Variants in GRID2 observed in about 807,000 individuals in gnomAD.
The protein encoded by GRID2 is glutamate ionotropic receptor delta type subunit 2.
A neutral mutation model predicts 114.8 loss-of-function variants in GRID2; 33 were observed. The ratio of observed to expected loss-of-function variants is 0.29; its 90% CI spans 0.22 to 0.38. The LOEUF is 0.38. Among genes scored for constraint, GRID2 ranks in the 10% least tolerant of loss-of-function variants. The pLI, the probability that GRID2 is intolerant of heterozygous loss-of-function variation, is 1.00. For missense variants in GRID2, 1,184 were observed against 1,257.7 expected (o/e 0.94, Z 0.89); for synonymous variants, 505 against 449.9 (o/e 1.12, Z -1.55).
chr4:92,553,832 A>G (rs1296595452), intron 1 of GRID2, among the ~76,000 whole-genome samples: 1 of 152,032 alleles, frequency 6.6e-6, no homozygotes, highest in African/African-American at 2.4e-5. Flanking sequence ...CTGTATTTTT[A>G]GTAGAGACGG....
chr4:92,985,159 C>T (rs897516936), intron 2 of GRID2, among the ~76,000 whole-genome samples: 3 of 151,742 alleles, frequency 2.0e-5, no homozygotes, highest in Non-Finnish European at 1.5e-5. Flanking sequence ...CAATTATTAC[C>T]GTGGTTTTTG....
At chr4:92,314,750 A>G (rs1186595379) in intron 1 of GRID2, among the ~76,000 whole-genome samples, 6 of 152,182 alleles carry the variant, frequency 3.9e-5, no homozygotes, top group Non-Finnish European at 5.9e-5. Context: ...TATCCCCAAG[A>G]TATCTCATTG....
chr4:92,390,702 G>C (rs577597417), intron 1 of GRID2, among the ~76,000 whole-genome samples: 20 of 152,094 alleles, frequency 1.3e-4, no homozygotes, highest in Non-Finnish European at 2.6e-4. Flanking sequence ...AGAAATTCCA[G>C]GATCGATGAG....
chr4:93,280,075 A>G (rs888014145), intron 8 of GRID2, among the ~76,000 whole-genome samples: 8 of 151,894 alleles, frequency 5.3e-5, no homozygotes, highest in African/African-American at 1.9e-4. Context: ...GGTGAGTGCT[A>G]GGTTTAAGAC....
At position 92,874,941 on chromosome 4, in the gene GRID2, A is replaced by C. The variant is rs1007985711; in HGVS notation, c.245-210054A>C. Among the ~76,000 whole-genome samples the C allele has an allele frequency of 5.9e-5, 9 of 152,146 alleles. No homozygotes were observed. The South Asian group carries it at 6.2e-4, about 10-fold the overall frequency. ...TTTGTTGTTGGTAATTAGTGTTTAC[A>C]ATCATTCACATAATTTTTTAAACAT... On this transcript the variant is annotated intron_variant, in intron 2 of 15. Transcript: ENST00000282020.
chr4:93,516,740 G>A (rs1346193843), intron 13 of GRID2, among the ~76,000 whole-genome samples: 4 of 151,902 alleles, frequency 2.6e-5, no homozygotes, highest in Admixed American at 2.6e-4. Context: ...AGGCTTACTG[G>A]GTACTCATAG....
At chr4:93,422,740 G>T in intron 9 of GRID2, 31 bp from the exon 10 acceptor site, 1 of 1,375,876 alleles carries the variant, frequency 7.3e-7, no homozygotes, top group South Asian at 1.2e-5. Context: ...ACTATAGATT[G>T]ACATCAGAAA....
intron 11 of GRID2, among the ~76,000 whole-genome samples, 158 bp downstream of exon 11, chr4:93,456,132 A>C (rs1723167154): frequency 6.6e-6 from 1 of 152,154 alleles, no homozygotes; most frequent in South Asian, 2.1e-4. Flanking sequence ...ACTTCCTCCT[A>C]GTGGATCTCA....
chr4:93,059,167 T>C (rs1436608067), intron 2 of GRID2, among the ~76,000 whole-genome samples: 1 of 152,108 alleles, frequency 6.6e-6, no homozygotes, highest in Non-Finnish European at 1.5e-5. Context: ...TTTGATAACA[T>C]TTGAAATGCA....
rs183117279 is a variant in GRID2, at chr4:93,102,193, C to G, written c.530-8555C>G. 2.3e-3 allele frequency among the ~76,000 whole-genome samples: 355 copies of G among 152,274 alleles called. 3 individuals carry two copies. Among genetic ancestry groups the G allele is most frequent in the Non-Finnish European group, 5.9e-4 (40 of 68,028 alleles). ...CTGTTTCACTTTAGTTACTTTCACACTAGACATGTTGGCTCCTGCAATCGC... is the reference window on the plus strand; with the variant it reads ...CTGTTTCACTTTAGTTACTTTCACAGTAGACATGTTGGCTCCTGCAATCGC... On this transcript the variant is annotated intron_variant, in intron 3 of 15. Coordinates refer to ENST00000282020, the MANE Select transcript of GRID2 (RefSeq NM_001510.4).
intron 12 of GRID2, among the ~76,000 whole-genome samples, chr4:93,495,283 A>G (rs1171841262): frequency 6.6e-6 from 1 of 151,732 alleles, no homozygotes. Flanking sequence ...CTATTACTAA[A>G]GAAGAACCCC....
chr4:93,037,679 T>A (rs1432713042), intron 2 of GRID2, among the ~76,000 whole-genome samples: 1 of 152,102 alleles, frequency 6.6e-6, no homozygotes, highest in Non-Finnish European at 1.5e-5. Flanking sequence ...TTTACCAACA[T>A]CATTTATTAA....
chr4:92,308,532 A>C (rs564975477), intron 1 of GRID2, among the ~76,000 whole-genome samples: 41 of 152,168 alleles, frequency 2.7e-4, no homozygotes, highest in Admixed American at 5.9e-4. Flanking sequence ...ATTATATTTG[A>C]GAAACCTAAG....
intron 4 of GRID2, among the ~76,000 whole-genome samples, chr4:93,175,714 G>A (rs776847354): frequency 1.3e-5 from 2 of 152,146 alleles, no homozygotes; most frequent in Admixed American, 6.5e-5. Flanking sequence ...AGAAGAATTC[G>A]AAATTGTAGA....
chr4:93,183,844 T>C (rs1740138792), intron 4 of GRID2, among the ~76,000 whole-genome samples: 1 of 152,198 alleles, frequency 6.6e-6, no homozygotes, highest in Non-Finnish European at 1.5e-5. Context: ...TGAGAACTTG[T>C]TCAAACTCAT....
intron 2 of GRID2, among the ~76,000 whole-genome samples, chr4:92,887,220 T>C (rs1485508576): frequency 1.3e-5 from 2 of 152,224 alleles, no homozygotes; most frequent in Non-Finnish European, 2.9e-5. Context: ...AGCAACATAA[T>C]GTCTGGATGG....
intron 2 of GRID2, among the ~76,000 whole-genome samples, chr4:92,757,173 T>A (rs1280216793): frequency 6.6e-6 from 1 of 152,148 alleles, no homozygotes; most frequent in Non-Finnish European, 1.5e-5. Context: ...TATATGGACA[T>A]CCAGTTTTCC....
chr4:93,377,666 C>T (rs1043442907), intron 8 of GRID2, among the ~76,000 whole-genome samples: 1 of 152,132 alleles, frequency 6.6e-6, no homozygotes, highest in Non-Finnish European at 1.5e-5. Context: ...TATGTCCAAT[C>T]CAGCTGTTAA....
At chr4:93,407,366 T>G (rs896464139) in intron 9 of GRID2, among the ~76,000 whole-genome samples, 1 of 145,828 alleles carries the variant, frequency 6.9e-6, no homozygotes, top group Non-Finnish European at 1.5e-5. Context: ...CCCACCATAC[T>G]GCATGGAAGT....
Sources: allele counts gnomAD v4.1 joint callset (sites outside exome capture counted in the v4.1 genomes callset), GRCh38; gene constraint gnomAD v4.1.1; transcripts MANE v1.5; gene names NCBI Gene and HGNC (gene_info 2026-07-23, HGNC 2026-07-21).